The following PRKAR2B variants were observed in gnomAD, a reference collection of about 807,000 sequenced individuals.
The protein encoded by PRKAR2B is cAMP-dependent protein kinase type II-beta regulatory subunit.
PRKAR2B carries 14 observed loss-of-function variants against 49.9 expected under a neutral mutation model. The observed-to-expected ratio is 0.28, with a 90% CI of 0.19 to 0.44. The LOEUF (loss-of-function observed/expected upper bound fraction) is 0.44. Ranked by LOEUF, PRKAR2B falls within the 20% of genes least tolerant of loss-of-function variation. The pLI is 1.00. For synonymous variants in PRKAR2B, 196 were observed against 197.7 expected (o/e 0.99, Z 0.07); for missense variants, 393 against 537.9 (o/e 0.73, Z 2.67).
intron 2 of PRKAR2B, among the ~76,000 whole-genome samples, chr7:107,098,200 G>C (rs1794885338): frequency 2.0e-5 from 3 of 152,162 alleles, no homozygotes; most frequent in Non-Finnish European, 1.5e-5. Context: ...TGGAGGCTTT[G>C]TTCATTTCTT....
chr7:107,157,460 T>A (rs1176304204), intron 10 of PRKAR2B, 136 bp downstream of exon 10: 4 of 1,124,174 alleles, frequency 3.6e-6, no homozygotes, highest in Non-Finnish European at 4.7e-6. Flanking sequence ...TTAGGACTCA[T>A]TGCCTTATAA....
intron 2 of PRKAR2B, among the ~76,000 whole-genome samples, chr7:107,119,867 G>T (rs867992014): frequency 1.2e-4 from 18 of 152,182 alleles, no homozygotes; most frequent in African/African-American, 3.4e-4. Context: ...GCCTGCTTCT[G>T]CATGACTGGT....
intron 4 of PRKAR2B, among the ~76,000 whole-genome samples, chr7:107,132,822 T>G (rs1393342645): frequency 1.3e-5 from 2 of 152,306 alleles, no homozygotes; most frequent in African/African-American, 4.8e-5. Flanking sequence ...AATCTTACAC[T>G]TCCTAGACTT....
chr7:107,047,960 C>G (rs1224066255), intron 1 of PRKAR2B, among the ~76,000 whole-genome samples: 1 of 152,204 alleles, frequency 6.6e-6, no homozygotes, highest in Admixed American at 6.5e-5. Flanking sequence ...CTATATTCTT[C>G]TTAACATTTA....
At chr7:107,045,252 C>T (rs750466035) in intron 1 of PRKAR2B, 38 bp downstream of exon 1, 14 of 1,385,808 alleles carry the variant, frequency 1.0e-5, no homozygotes, top group Middle Eastern at 2.7e-4. Flanking sequence ...CCCCGGATCC[C>T]CTCGCTGCCC....
At chr7:107,141,486 T>C (rs1252325018) in intron 5 of PRKAR2B, among the ~76,000 whole-genome samples, 1 of 151,316 alleles carries the variant, frequency 6.6e-6, no homozygotes, top group Non-Finnish European at 1.5e-5. Flanking sequence ...AGGTCAGGAG[T>C]TCAAGACCAG....
intron 4 of PRKAR2B, 127 bp downstream of exon 4, chr7:107,128,422 C>T (rs1413490693): frequency 3.2e-6 from 2 of 620,236 alleles, no homozygotes; most frequent in East Asian, 5.7e-5. Flanking sequence ...GTAAAGGCCC[C>T]CTTGCGGATG....
At chr7:107,135,395 A>G (rs372535675) in intron 4 of PRKAR2B, among the ~76,000 whole-genome samples, 2 of 152,202 alleles carry the variant, frequency 1.3e-5, no homozygotes, top group East Asian at 1.9e-4. Flanking sequence ...GGCTAATGCA[A>G]TAAGACAAGA....
chr7:107,058,058 A>C (rs1201969714), intron 1 of PRKAR2B, among the ~76,000 whole-genome samples: 1 of 138,996 alleles, frequency 7.2e-6, no homozygotes, highest in Non-Finnish European at 1.5e-5. Context: ...GACTTGGAAA[A>C]AAAAGTAAAA....
intron 1 of PRKAR2B, among the ~76,000 whole-genome samples, chr7:107,064,958 A>T (rs1280501144): frequency 6.6e-6 from 1 of 152,170 alleles, no homozygotes; most frequent in Non-Finnish European, 1.5e-5. Flanking sequence ...AAAGTTAATT[A>T]TTCCTTGGTT....
intron 3 of PRKAR2B, among the ~76,000 whole-genome samples, chr7:107,123,122 G>A (rs1170833093): frequency 6.6e-6 from 1 of 152,124 alleles, no homozygotes; most frequent in Admixed American, 6.5e-5. Context: ...TTATATTTGT[G>A]TATAAATGAG....
At chr7:107,149,569 G>A (rs922003650) in intron 6 of PRKAR2B, among the ~76,000 whole-genome samples, 1 of 151,958 alleles carries the variant, frequency 6.6e-6, no homozygotes, top group African/African-American at 2.4e-5. Flanking sequence ...CCATTCATGA[G>A]GGCTCCAGCC....
At chr7:107,054,397 C>T (rs530713241) in intron 1 of PRKAR2B, among the ~76,000 whole-genome samples, 1 of 152,202 alleles carries the variant, frequency 6.6e-6, no homozygotes, top group East Asian at 1.9e-4. Context: ...CGGCACATGA[C>T]ATGATTCTAA....
At chr7:107,148,138 GGACA>G (rs1210991797) in intron 6 of PRKAR2B, among the ~76,000 whole-genome samples, 1 of 152,178 alleles carries the variant, frequency 6.6e-6, no homozygotes, top group Non-Finnish European at 1.5e-5. Flanking sequence ...CTTCAAACCA[GGACA>G]GTCCTTCACC....
At chr7:107,157,402 AT>A in intron 10 of PRKAR2B, 78 bp downstream of exon 10, 2 of 1,467,716 alleles carry the variant, frequency 1.4e-6, no homozygotes, top group Non-Finnish European at 1.8e-6. Context: ...TGAGTGAATC[AT>A]TTTATTGGGT....
chr7:107,108,729 A>G (rs573442581), intron 2 of PRKAR2B, among the ~76,000 whole-genome samples: 2 of 152,352 alleles, frequency 1.3e-5, no homozygotes, highest in South Asian at 4.1e-4. Context: ...TTATAGAGTT[A>G]GAGCTCCATA....
chr7:107,100,801 T>C (rs1794945472), intron 2 of PRKAR2B, among the ~76,000 whole-genome samples: 1 of 152,082 alleles, frequency 6.6e-6, no homozygotes, highest in Non-Finnish European at 1.5e-5. Context: ...TCAGTTATTG[T>C]GCTTTTTAAC....
At chr7:107,108,686 A>G (rs1174798686) in intron 2 of PRKAR2B, among the ~76,000 whole-genome samples, 1 of 152,228 alleles carries the variant, frequency 6.6e-6, no homozygotes, top group Non-Finnish European at 1.5e-5. Flanking sequence ...TGGCTCTAAA[A>G]AGAGCCTTTG....
At chr7:107,066,440 T>G (rs530464490) in intron 1 of PRKAR2B, among the ~76,000 whole-genome samples, 3 of 152,230 alleles carry the variant, frequency 2.0e-5, no homozygotes, top group African/African-American at 7.2e-5. Context: ...CTGTTAACAT[T>G]TTTTGGGAAT....
Sources: allele counts gnomAD v4.1 joint callset (sites outside exome capture counted in the v4.1 genomes callset), GRCh38; gene constraint gnomAD v4.1.1; transcripts MANE v1.5; gene names NCBI Gene and HGNC (gene_info 2026-07-23, HGNC 2026-07-21).